The following KCNIP4 variants were observed in gnomAD, a reference collection of about 807,000 sequenced individuals.
KCNIP4 encodes potassium voltage-gated channel interacting protein 4, also known as Kv channel-interacting protein 4.
A neutral mutation model predicts 34.0 loss-of-function variants in KCNIP4; 12 were observed. The observed-to-expected ratio is 0.35, with a 90% CI of 0.23 to 0.57. The LOEUF (loss-of-function observed/expected upper bound fraction) is 0.57. Ranked by LOEUF, KCNIP4 falls within the 20% of genes least tolerant of loss-of-function variation. The pLI, the probability that KCNIP4 is intolerant of heterozygous loss-of-function variation, is 0.83. For missense variants in KCNIP4, 238 were observed against 311.7 expected, an observed-to-expected ratio of 0.76 and a Z score of 1.78; for synonymous variants, 124 against 102.2, an observed-to-expected ratio of 1.21 and a Z score of -1.29.
chr4:21,825,305 A>C (rs1036910829), intron 1 of KCNIP4, among the ~76,000 whole-genome samples: 1 of 152,128 alleles, frequency 6.6e-6, no homozygotes, highest in Non-Finnish European at 1.5e-5. Flanking sequence ...TGGAAAAACC[A>C]GCTCTGACAT....
chr4:20,731,648 T>C (rs1748243769), intron 8 of KCNIP4: 1 of 985,138 alleles, frequency 1.0e-6, no homozygotes, highest in Non-Finnish European at 1.2e-6. Flanking sequence ...TCTAATGCTG[T>C]GGAGATATGA....
rs373534338 is a variant in KCNIP4, at chr4:20,758,858, G to C, written c.321C>G (p.Thr107=). ...AGAACTGCGAGTAAATCTCTTTGAA[G>C]GTTTCTTCATTAACAACACCACTGG... ...ECPSGVVNEE[T]FKEIYSQFFP... Residue 107 remains threonine, a synonymous_variant, in exon 4 of 9, where the codon ACC becomes ACG. Coordinates refer to ENST00000382152, the MANE Select transcript of KCNIP4 (RefSeq NM_025221.6). The C allele has an allele frequency of 2.5e-6, 4 of 1,613,168 alleles. No individual in the cohort carries two copies. The highest frequency in any genetic ancestry group is 3.4e-6 in the Non-Finnish European group (4 of 1,179,388).
chr4:21,610,135 T>C (rs906327171), intron 1 of KCNIP4, among the ~76,000 whole-genome samples: 1 of 152,258 alleles, frequency 6.6e-6, no homozygotes, highest in Non-Finnish European at 1.5e-5. Context: ...GGTCATGCCC[T>C]TCGGGCAATT....
intron 1 of KCNIP4, among the ~76,000 whole-genome samples, chr4:21,073,485 T>C (rs1745172209): frequency 6.6e-6 from 1 of 152,206 alleles, no homozygotes; most frequent in Admixed American, 6.5e-5. Context: ...GCACATTGAT[T>C]CTGTACCTGA....
chr4:21,562,317 G>C (rs1739540198), intron 1 of KCNIP4, among the ~76,000 whole-genome samples: 1 of 151,918 alleles, frequency 6.6e-6, no homozygotes, highest in Non-Finnish European at 1.5e-5. Flanking sequence ...TGAATGCTTA[G>C]AGTTTAAGTG....
At chr4:20,928,400 G>T (rs539054632) in intron 1 of KCNIP4, among the ~76,000 whole-genome samples, 1 of 151,456 alleles carries the variant, frequency 6.6e-6, no homozygotes, top group African/African-American at 2.4e-5. Context: ...AAACTCAAAA[G>T]GGAAGTTAAA....
intron 1 of KCNIP4, among the ~76,000 whole-genome samples, chr4:21,144,392 T>C (rs1263753001): frequency 6.6e-6 from 1 of 152,200 alleles, no homozygotes; most frequent in African/African-American, 2.4e-5. Context: ...TTCTAAAATT[T>C]ACAGGGCAAG....
chr4:21,538,441 A>G (rs563126286), intron 1 of KCNIP4, among the ~76,000 whole-genome samples: 1 of 152,258 alleles, frequency 6.6e-6, no homozygotes, highest in South Asian at 2.1e-4. Flanking sequence ...ATCAGTGTCT[A>G]TAGACATAGA....
At chr4:21,217,278 G>A (rs1030019086) in intron 1 of KCNIP4, among the ~76,000 whole-genome samples, 4 of 152,084 alleles carry the variant, frequency 2.6e-5, no homozygotes, top group African/African-American at 9.7e-5. Flanking sequence ...AATAAGAGTT[G>A]CTACCATTTA....
In KCNIP4 at chr4:21,198,148, C is replaced by A. The variant is rs981593756; in HGVS notation, c.62-315439G>T. Among the ~76,000 whole-genome samples, 12 of 152,186 alleles carry A rather than the reference C, an allele frequency of 7.9e-5. 1 individual carries two copies. Among genetic ancestry groups the A allele is most frequent in the Admixed American group, 6.5e-4 (10 of 15,278 alleles). On this transcript the variant is annotated intron_variant, in intron 1 of 8. Transcript: ENST00000382152. ...ATTACTGCATGTTGCAGACACTTGT[C>A]ATTCCAAGAGTAAAAATGTACAATA...
intron 1 of KCNIP4, among the ~76,000 whole-genome samples, chr4:21,620,382 GTCCCAGCTAC>G (rs1455189957): frequency 6.6e-6 from 1 of 152,044 alleles, no homozygotes; most frequent in East Asian, 1.9e-4. Context: ...CATGTCTGTA[GTCCCAGCTAC>G]TCAGGAGGCT....
chr4:21,741,006 GC>G (rs1260284528), intron 1 of KCNIP4, among the ~76,000 whole-genome samples: 1 of 152,066 alleles, frequency 6.6e-6, no homozygotes. Context: ...AAATTCAGAG[GC>G]AATGACACAG....
In KCNIP4 at chr4:21,691,319, T is replaced by G. The variant is rs140240047; in HGVS notation, c.61+257252A>C. 3.0e-3 allele frequency among the ~76,000 whole-genome samples: 450 copies of G among 152,192 alleles called. 4 individuals carry two copies. The highest frequency in any genetic ancestry group is 9.7e-3 in the African/African-American group (404 of 41,530). On this transcript the variant is annotated intron_variant, in intron 1 of 8. Transcript: ENST00000382152. ...ACAGGCCTCTGTGGGTAGGCTATAT[T>G]CCTGTACTCAAGGCCACCACTCTGT... is the stretch of plus-strand genomic sequence containing the variant.
At chr4:20,813,039 AT>A (rs1421050690) in intron 3 of KCNIP4, among the ~76,000 whole-genome samples, 1 of 152,134 alleles carries the variant, frequency 6.6e-6, no homozygotes, top group Non-Finnish European at 1.5e-5. Flanking sequence ...TTAAAAGTAT[AT>A]GTAAGTGATG....
intron 1 of KCNIP4, among the ~76,000 whole-genome samples, chr4:20,968,356 G>A (rs867720577): frequency 1.3e-5 from 2 of 152,134 alleles, no homozygotes; most frequent in South Asian, 4.1e-4. Context: ...AACCATTGTG[G>A]AAGACAATGT....
chr4:21,840,332 C>A (rs1295749657), intron 1 of KCNIP4, among the ~76,000 whole-genome samples: 1 of 151,984 alleles, frequency 6.6e-6, no homozygotes, highest in Admixed American at 6.6e-5. Context: ...AGTCTTCCAC[C>A]GTAGACGACG....
intron 1 of KCNIP4, among the ~76,000 whole-genome samples, chr4:20,965,060 T>C (rs1359479634): frequency 2.0e-5 from 3 of 152,204 alleles, no homozygotes; most frequent in Non-Finnish European, 4.4e-5. Flanking sequence ...AAGAATGTAA[T>C]TAAGTTTAAC....
intron 1 of KCNIP4, among the ~76,000 whole-genome samples, chr4:21,310,132 A>G (rs912302914): frequency 6.6e-6 from 1 of 152,116 alleles, no homozygotes; most frequent in Non-Finnish European, 1.5e-5. Context: ...TCCCAGGTTC[A>G]AGCAGTTCTC....
chr4:21,473,046 C>T (rs541150499), intron 1 of KCNIP4, among the ~76,000 whole-genome samples: 1 of 152,296 alleles, frequency 6.6e-6, no homozygotes, highest in South Asian at 2.1e-4. Context: ...AGATGTGTCA[C>T]TTGCAAGTTG....
Sources: gnomAD v4.1 joint callset for allele counts (sites outside exome capture counted in the v4.1 genomes callset) on GRCh38, gnomAD v4.1.1 for gene constraint, MANE v1.5 for transcripts, NCBI Gene and HGNC (gene_info 2026-07-23, HGNC 2026-07-21) for gene names.